The following HMGN3 variants were observed in gnomAD, a reference collection of about 807,000 sequenced individuals.
The protein encoded by HMGN3 is high mobility group nucleosomal binding domain 3.
In HMGN3, 6 loss-of-function variants were observed where a neutral mutation model predicts 18.8. That is an observed-to-expected ratio of 0.32 (90% confidence interval 0.18 to 0.63). The LOEUF (loss-of-function observed/expected upper bound fraction) is 0.63. Among genes scored for constraint, HMGN3 ranks in the 30% least tolerant of loss-of-function variants. The probability of loss-of-function intolerance (pLI) is 0.79; values close to 1 mark genes in which losing one functional copy is unlikely to be tolerated. For missense variants in HMGN3, 107 were observed against 114.2 expected (o/e 0.94, Z 0.29); for synonymous variants, 40 against 36.5 (o/e 1.10, Z -0.35).
intron 4 of HMGN3, 28 bp downstream of exon 4, chr6:79,203,552 G>C: frequency 6.3e-7 from 1 of 1,592,696 alleles, no homozygotes; most frequent in South Asian, 1.1e-5. Context: ...TGTTTAAAAA[G>C]CCAAAAGTGG....
At chr6:79,217,904 A>G (rs973717053) in intron 1 of HMGN3, among the ~76,000 whole-genome samples, 1 of 152,220 alleles carries the variant, frequency 6.6e-6, no homozygotes, top group African/African-American at 2.4e-5. Flanking sequence ...GGTGGATGTG[A>G]AAGATGAGGA....
chr6:79,203,662 G>GAAA, intron 3 of HMGN3, 32 bp from the exon 4 acceptor site: 9 of 1,059,068 alleles, frequency 8.5e-6, no homozygotes, highest in Admixed American at 2.4e-5. Flanking sequence ...CACAAATACT[G>GAAA]AAAAAAAAAA....
chr6:79,226,985 C>T (rs145382991), intron 1 of HMGN3, among the ~76,000 whole-genome samples: 3 of 152,262 alleles, frequency 2.0e-5, no homozygotes, highest in African/African-American at 7.2e-5. Context: ...AGGAATTCAA[C>T]ATTTTGATTT....
rs555391668 is a variant in HMGN3, at chr6:79,223,567, ATGGTGG to A, written c.16-8551_16-8546del. ...ACCCACAAAAAACAATTAGCTGGGC[ATGGTGG>A]CACATGCCTGTAATCCCAGATACTT... On this transcript the variant is annotated intron_variant, in intron 1 of 5. Coordinates refer to ENST00000344726, the Ensembl canonical transcript of HMGN3. 9.2e-5 allele frequency among the ~76,000 whole-genome samples: 14 copies of A among 152,226 alleles called. No individual in the cohort carries two copies. In the East Asian group the frequency reaches 2.7e-3, roughly 29 times the overall value.
chr6:79,228,638 A>C (rs1009391355), intron 1 of HMGN3, among the ~76,000 whole-genome samples: 1 of 152,252 alleles, frequency 6.6e-6, no homozygotes, highest in Non-Finnish European at 1.5e-5. Flanking sequence ...GCCAGAAACA[A>C]TTTTGGGAAA....
At chr6:79,226,837 T>C (rs1011476786) in intron 1 of HMGN3, among the ~76,000 whole-genome samples, 1 of 152,206 alleles carries the variant, frequency 6.6e-6, no homozygotes, top group Non-Finnish European at 1.5e-5. Context: ...CATATCTCAA[T>C]AGCCCTGTTT....
intron 1 of HMGN3, among the ~76,000 whole-genome samples, chr6:79,221,042 A>G (rs1777259021): frequency 6.6e-6 from 1 of 152,110 alleles, no homozygotes; most frequent in Non-Finnish European, 1.5e-5. Context: ...ATTTCTCTGT[A>G]TTTATGTTTT....
intron 1 of HMGN3, among the ~76,000 whole-genome samples, chr6:79,225,163 A>G (rs13212378): frequency 0.067 from 10,134 of 152,258 alleles, 362 homozygotes; most frequent in South Asian, 0.1. Flanking sequence ...TTTCTACAAT[A>G]TAGAACTTAA....
At chr6:79,232,127 A>G (rs1263343079) in intron 1 of HMGN3, among the ~76,000 whole-genome samples, 11 of 152,234 alleles carry the variant, frequency 7.2e-5, no homozygotes, top group Non-Finnish European at 1.5e-4. Flanking sequence ...AGAGCAGACA[A>G]TTCTTTAGTC....
intron 3 of HMGN3, among the ~76,000 whole-genome samples, chr6:79,206,468 G>C (rs569903435): frequency 5.8e-4 from 89 of 152,340 alleles, no homozygotes; most frequent in African/African-American, 2.0e-3. Context: ...GAAGCCCCAA[G>C]CTTTGGCAGC....
At chr6:79,225,602 T>G (rs1163647538) in intron 1 of HMGN3, among the ~76,000 whole-genome samples, 1 of 152,196 alleles carries the variant, frequency 6.6e-6, no homozygotes, top group Admixed American at 6.5e-5. Context: ...CACAAGGGAG[T>G]ATTCCCATTA....
At chr6:79,205,234 C>T (rs1297710430) in intron 3 of HMGN3, among the ~76,000 whole-genome samples, 1 of 152,214 alleles carries the variant, frequency 6.6e-6, no homozygotes, top group Non-Finnish European at 1.5e-5. Context: ...GCAACCCCAG[C>T]TCTTAAGTCC....
chr6:79,219,099 C>A (rs1171921543), intron 1 of HMGN3, among the ~76,000 whole-genome samples: 3 of 152,054 alleles, frequency 2.0e-5, no homozygotes, highest in African/African-American at 7.2e-5. Context: ...AGTCTTGACT[C>A]CCCAGATTGA....
intron 2 of HMGN3, among the ~76,000 whole-genome samples, chr6:79,209,463 T>A (rs1478465192): frequency 6.6e-6 from 1 of 152,200 alleles, no homozygotes; most frequent in African/African-American, 2.4e-5. Flanking sequence ...AAATACTCCA[T>A]ACTTTTTGTC....
intron 2 of HMGN3, among the ~76,000 whole-genome samples, chr6:79,212,874 A>T (rs969056207): frequency 3.9e-5 from 6 of 152,174 alleles, no homozygotes; most frequent in Admixed American, 3.9e-4. Context: ...TTTTACCCGA[A>T]ACCATCAGCA....
chr6:79,229,526 G>T (rs1450560522), intron 1 of HMGN3, among the ~76,000 whole-genome samples: 1 of 152,150 alleles, frequency 6.6e-6, no homozygotes, highest in Non-Finnish European at 1.5e-5. Context: ...GTATGAACAA[G>T]TATGTTGAAA....
chr6:79,220,097 G>A (rs1231796013), intron 1 of HMGN3, among the ~76,000 whole-genome samples: 4 of 152,148 alleles, frequency 2.6e-5, no homozygotes, highest in Non-Finnish European at 5.9e-5. Context: ...AGTGGGGTCG[G>A]TAGATAAGAA....
intron 2 of HMGN3, among the ~76,000 whole-genome samples, chr6:79,213,552 A>G (rs905021602): frequency 1.3e-5 from 2 of 152,242 alleles, no homozygotes; most frequent in African/African-American, 4.8e-5. Context: ...ATTTCCCAAG[A>G]AAATTCAAGC....
chr6:79,209,822 C>T (rs1302738816), intron 2 of HMGN3, among the ~76,000 whole-genome samples: 1 of 152,220 alleles, frequency 6.6e-6, no homozygotes, highest in African/African-American at 2.4e-5. Context: ...CTAAACTCAT[C>T]TTTCTTTAAA....
Sources: gnomAD v4.1 joint callset for allele counts (sites outside exome capture counted in the v4.1 genomes callset) on GRCh38, gnomAD v4.1.1 for gene constraint, MANE v1.5 for transcripts, NCBI Gene and HGNC (gene_info 2026-07-23, HGNC 2026-07-21) for gene names.